The following ZNF385B variants were observed in gnomAD, a reference collection of about 807,000 sequenced individuals.
ZNF385B encodes the protein zinc finger protein 385B, also known as zinc finger protein 533.
ZNF385B carries 23 observed loss-of-function variants against 39.2 expected under a neutral mutation model. The ratio of observed to expected loss-of-function variants is 0.59; its 90% CI spans 0.42 to 0.83. The LOEUF (loss-of-function observed/expected upper bound fraction) is 0.83, where lower values mean the gene tolerates loss of function less well. Ranked by LOEUF, ZNF385B falls within the 40% of genes least tolerant of loss-of-function variation. The probability of loss-of-function intolerance (pLI) is 0.00; values close to 1 mark genes in which losing one functional copy is unlikely to be tolerated. For missense variants in ZNF385B, 552 were observed against 598.9 expected (o/e 0.92, Z 0.82); for synonymous variants, 205 against 222.6 (o/e 0.92, Z 0.70).
intron 3 of ZNF385B, among the ~76,000 whole-genome samples, chr2:179,608,477 T>C (rs376462046): frequency 1.0e-3 from 153 of 152,280 alleles, no homozygotes; most frequent in African/African-American, 3.6e-3. Context: ...CCAGACTCAT[T>C]TTGAAGTCAT....
rs1300368047 is a variant in ZNF385B, at chr2:179,443,120, G to T, written c.*130C>A. On this transcript the variant is annotated 3_prime_UTR_variant, in exon 10 of 10. Coordinates refer to ENST00000410066, the MANE Select transcript of ZNF385B (RefSeq NM_152520.6). ...GATGTGTTTCTCTCTGGAATTGGGG[G>T]ACTGGGTGGTGGGCTGCATTTTGTG... The T allele has an allele frequency of 1.0e-5, 10 of 955,220 alleles. No homozygotes were observed. The highest frequency in any genetic ancestry group is 1.5e-5 in the Non-Finnish European group (9 of 610,682). 59.2% of individuals were successfully genotyped at this position (955,220 alleles called of 1,614,324 possible).
intron 3 of ZNF385B, among the ~76,000 whole-genome samples, chr2:179,733,436 C>A (rs1451543126): frequency 6.6e-6 from 1 of 152,190 alleles, no homozygotes; most frequent in Non-Finnish European, 1.5e-5. Context: ...CTGTTACCTT[C>A]TTTTTAATGT....
intron 3 of ZNF385B, among the ~76,000 whole-genome samples, chr2:179,572,560 A>T (rs1429399471): frequency 1.3e-5 from 2 of 152,106 alleles, no homozygotes; most frequent in Non-Finnish European, 2.9e-5. Context: ...CAGACAAAAG[A>T]GGTAGACTCA....
chr2:179,459,570 T>G (rs1331340954), intron 6 of ZNF385B, among the ~76,000 whole-genome samples: 2 of 147,138 alleles, frequency 1.4e-5, no homozygotes, highest in Non-Finnish European at 3.0e-5. Flanking sequence ...AATCATCTAG[T>G]GGGGGAGAGA....
At chr2:179,652,662 G>A (rs1458299895) in intron 3 of ZNF385B, among the ~76,000 whole-genome samples, 2 of 152,058 alleles carry the variant, frequency 1.3e-5, no homozygotes, top group African/African-American at 2.4e-5. Flanking sequence ...TTAGCTAGAT[G>A]AGCAGAACCC....
chr2:179,498,045 C>A (rs549526610), intron 5 of ZNF385B, among the ~76,000 whole-genome samples: 1 of 152,190 alleles, frequency 6.6e-6, no homozygotes, highest in South Asian at 2.1e-4. Context: ...AACATGGGAG[C>A]ACCCAGATAA....
At chr2:179,830,140 A>G (rs916836628) in intron 1 of ZNF385B, among the ~76,000 whole-genome samples, 2 of 152,246 alleles carry the variant, frequency 1.3e-5, no homozygotes, top group African/African-American at 2.4e-5. Context: ...GGAGATGCAA[A>G]TTAAAACAAC....
intron 3 of ZNF385B, among the ~76,000 whole-genome samples, chr2:179,611,247 C>T (rs372059951): frequency 3.3e-5 from 5 of 152,032 alleles, no homozygotes; most frequent in Non-Finnish European, 5.9e-5. Context: ...GTTTCTATCA[C>T]GAAGAGATGT....
rs548106067 is a variant in ZNF385B, at chr2:179,676,469, C to A, written c.298+93034G>T. On this transcript the variant is annotated intron_variant, in intron 3 of 9. Coordinates refer to ENST00000410066, the MANE Select transcript of ZNF385B (RefSeq NM_152520.6). ...TCGATCTCCTGACCTCGTAATCTGCCCACCTTGGCCTCCCAAAGTGCTGGG... is the reference window on the plus strand; with the variant it reads ...TCGATCTCCTGACCTCGTAATCTGCACACCTTGGCCTCCCAAAGTGCTGGG... Among the ~76,000 whole-genome samples, 104 of 152,248 alleles carry A rather than the reference C, an allele frequency of 6.8e-4. No homozygotes were observed. In the Middle Eastern group the frequency reaches 0.01, roughly 15 times the overall value.
intron 3 of ZNF385B, among the ~76,000 whole-genome samples, chr2:179,568,941 C>G (rs1559494366): frequency 6.6e-6 from 1 of 152,176 alleles, no homozygotes; most frequent in Admixed American, 6.5e-5. Flanking sequence ...CATCTAACAC[C>G]TAGAGTTTAT....
chr2:179,750,533 G>A (rs1434921570), intron 3 of ZNF385B, among the ~76,000 whole-genome samples: 5 of 151,978 alleles, frequency 3.3e-5, no homozygotes, highest in Admixed American at 2.0e-4. Flanking sequence ...CTCTTATAAG[G>A]ACCTGTGACT....
intron 3 of ZNF385B, among the ~76,000 whole-genome samples, chr2:179,699,535 T>C (rs956777780): frequency 1.3e-5 from 2 of 152,252 alleles, no homozygotes; most frequent in African/African-American, 2.4e-5. Flanking sequence ...ATTAAATATG[T>C]AAATAGTAAA....
chr2:179,790,436 C>T (rs1705258067), intron 1 of ZNF385B, among the ~76,000 whole-genome samples: 2 of 152,056 alleles, frequency 1.3e-5, no homozygotes, highest in Non-Finnish European at 2.9e-5. Flanking sequence ...ATCCACATGC[C>T]CAGGCCTGTA....
rs71401757 is a variant in ZNF385B, at chr2:179,679,601, ATTGTTGTTGTTG to A, written c.298+89890_298+89901del. Among the ~76,000 whole-genome samples the A allele has an allele frequency of 1.7e-4, 26 of 150,374 alleles. No homozygotes were observed. The East Asian group carries it at 2.2e-3, about 13-fold the overall frequency. On this transcript the variant is annotated intron_variant, in intron 3 of 9. Coordinates refer to ENST00000410066, the MANE Select transcript of ZNF385B (RefSeq NM_152520.6). ...ATTTTATTTCTTATTAACAGCTATT[ATTGTTGTTGTTG>A]TTGTTGTTGTTGTTGTTGTTGTTGT...
In ZNF385B at chr2:179,491,823, C is replaced by G. The variant is rs1230098787; in HGVS notation, c.553-8389G>C. Among the ~76,000 whole-genome samples, 83 of 152,108 alleles carry G rather than the reference C, an allele frequency of 5.5e-4. 2 individuals carry two copies. Among genetic ancestry groups the G allele is most frequent in the Admixed American group, 5.4e-3 (83 of 15,256 alleles). ...ACGCTGTCCTCCTGCTTTAGCCTCCCAAGTAGCTGGGAGTACAGGTACATG... is the reference window on the plus strand; with the variant it reads ...ACGCTGTCCTCCTGCTTTAGCCTCCGAAGTAGCTGGGAGTACAGGTACATG... On this transcript the variant is annotated intron_variant, in intron 5 of 9. Transcript: ENST00000410066.
intron 6 of ZNF385B, among the ~76,000 whole-genome samples, chr2:179,448,943 A>G (rs1332239877): frequency 1.3e-5 from 2 of 152,172 alleles, no homozygotes; most frequent in Non-Finnish European, 2.9e-5. Flanking sequence ...CATTTGATTT[A>G]GGTTATATTG....
At chr2:179,774,690 T>G (rs958576985) in intron 1 of ZNF385B, among the ~76,000 whole-genome samples, 2 of 152,246 alleles carry the variant, frequency 1.3e-5, no homozygotes, top group East Asian at 3.8e-4. Context: ...TTAGCTTGTA[T>G]GTGGGCTAAG....
rs117110943 is a variant in ZNF385B, at chr2:179,541,017, C to T, written c.441+3810G>A. Among the ~76,000 whole-genome samples the T allele has an allele frequency of 7.7e-4, 117 of 152,168 alleles. 3 individuals carry two copies. The East Asian group carries it at 0.021, about 28-fold the overall frequency. Reference sequence around the variant, plus strand: ...ATCTTTAAAACTTTATGTTTTGGTCCACACAGGCTTTTACCTATAAATGAC... The same window carrying T: ...ATCTTTAAAACTTTATGTTTTGGTCTACACAGGCTTTTACCTATAAATGAC... On this transcript the variant is annotated intron_variant, in intron 4 of 9. Coordinates refer to ENST00000410066, the MANE Select transcript of ZNF385B (RefSeq NM_152520.6).
At chr2:179,782,382 G>A (rs1264884996) in intron 1 of ZNF385B, among the ~76,000 whole-genome samples, 1 of 152,080 alleles carries the variant, frequency 6.6e-6, no homozygotes, top group African/African-American at 2.4e-5. Flanking sequence ...ACATTTTACT[G>A]AATGGGCAAA....
Sources: gnomAD v4.1 joint callset for allele counts (sites outside exome capture counted in the v4.1 genomes callset) on GRCh38, gnomAD v4.1.1 for gene constraint, MANE v1.5 for transcripts, NCBI Gene and HGNC (gene_info 2026-07-23, HGNC 2026-07-21) for gene names.